The following PDIA3 variants were observed in gnomAD, a reference collection of about 807,000 sequenced individuals.
PDIA3 encodes protein disulfide isomerase family A member 3, also known as protein disulfide-isomerase A3.
A neutral mutation model predicts 56.9 loss-of-function variants in PDIA3; 16 were observed. The ratio of observed to expected loss-of-function variants is 0.28; its 90% CI spans 0.19 to 0.43. The LOEUF (loss-of-function observed/expected upper bound fraction) is 0.43, where lower values mean the gene tolerates loss of function less well. Among genes scored for constraint, PDIA3 ranks in the 20% least tolerant of loss-of-function variants. The pLI is 1.00. For synonymous variants in PDIA3, 192 were observed against 216.5 expected, an observed-to-expected ratio of 0.89 and a Z score of 0.99; for missense variants, 485 against 621.3, an observed-to-expected ratio of 0.78 and a Z score of 2.33.
chr15:43,758,643 G>A (rs531324486), intron 3 of PDIA3, among the ~76,000 whole-genome samples: 4 of 137,694 alleles, frequency 2.9e-5, no homozygotes, highest in African/African-American at 5.4e-5. Flanking sequence ...GGGGAACAAC[G>A]CAAGACTCCG....
intron 1 of PDIA3, chr15:43,747,155 G>C (rs1208134319): frequency 6.3e-6 from 1 of 159,160 alleles, no homozygotes; most frequent in Non-Finnish European, 1.4e-5. Context: ...ACCTCACGCC[G>C]CACAGCCATT....
At chr15:43,753,647 C>T (rs182340153) in intron 1 of PDIA3, among the ~76,000 whole-genome samples, 177 bp from the exon 2 acceptor site, 124 of 152,272 alleles carry the variant, frequency 8.1e-4, no homozygotes, top group African/African-American at 2.8e-3. Context: ...ACCTTTACCT[C>T]TTGAGAGTTC....
At chr15:43,766,544 C>T (rs997517860) in intron 7 of PDIA3, among the ~76,000 whole-genome samples, 184 bp from the exon 8 acceptor site, 1 of 152,188 alleles carries the variant, frequency 6.6e-6, no homozygotes, top group Non-Finnish European at 1.5e-5. Flanking sequence ...CAGTGAAGTT[C>T]AGTAAGGCAT....
chr15:43,759,693 A>G (rs139341941), intron 3 of PDIA3, among the ~76,000 whole-genome samples: 1 of 152,240 alleles, frequency 6.6e-6, no homozygotes, highest in Admixed American at 6.5e-5. Context: ...CCAGTGGAAG[A>G]TTATTCAGCC....
At chr15:43,765,021 A>G (rs1427996139) in intron 5 of PDIA3, among the ~76,000 whole-genome samples, 1 of 152,182 alleles carries the variant, frequency 6.6e-6, no homozygotes, top group Non-Finnish European at 1.5e-5. Flanking sequence ...AATCTGTGGT[A>G]CTAGAAAAGA....
In PDIA3 at chr15:43,770,592, G is replaced by C. The variant is rs1165881872; in HGVS notation, c.1404+12G>C. ...CAAAGAAATATGAAGTAAGTGAATT[G>C]TCCCATATCCCCACAAATATATACA... On this transcript the variant is annotated intron_variant, in intron 12 of 12. Coordinates refer to ENST00000300289, the MANE Select transcript of PDIA3 (RefSeq NM_005313.5). The C allele has an allele frequency of 6.4e-7, 1 of 1,574,540 alleles. No homozygotes were observed. The highest frequency in any genetic ancestry group is 8.7e-7 in the Non-Finnish European group (1 of 1,144,122).
At chr15:43,762,511 C>CA (rs767755194) in intron 4 of PDIA3, among the ~76,000 whole-genome samples, 1,256 of 55,612 alleles carry the variant, frequency 0.023, 15 homozygotes, top group African/African-American at 0.058. Context: ...AACTCTGTCG[C>CA]AAAAAAAAAA....
At chr15:43,759,158 C>T (rs894696175) in intron 3 of PDIA3, among the ~76,000 whole-genome samples, 3 of 151,638 alleles carry the variant, frequency 2.0e-5, no homozygotes, top group East Asian at 3.9e-4. Context: ...GGTGCAGTGG[C>T]GGGTGCCTGT....
intron 1 of PDIA3, among the ~76,000 whole-genome samples, chr15:43,747,353 A>G (rs2141640187): frequency 6.6e-6 from 1 of 152,372 alleles, no homozygotes; most frequent in South Asian, 2.1e-4. Flanking sequence ...GAATCTGTCC[A>G]TATTGTCTGT....
chr15:43,760,441 G>C (rs372275634), intron 3 of PDIA3, among the ~76,000 whole-genome samples: 125 of 151,234 alleles, frequency 8.3e-4, no homozygotes, highest in African/African-American at 3.0e-3. Context: ...ATGTCCATCA[G>C]TTTTGCAATT....
chr15:43,759,269 G>A (rs555058562), intron 3 of PDIA3, among the ~76,000 whole-genome samples: 2 of 152,254 alleles, frequency 1.3e-5, no homozygotes, highest in Admixed American at 6.5e-5. Flanking sequence ...TGGCCTGGGC[G>A]AAAGAGTGAG....
In PDIA3 at chr15:43,768,794, C is replaced by T. The variant is rs555005402; in HGVS notation, c.1137+197C>T. On this transcript the variant is annotated intron_variant, in intron 9 of 12. Transcript: ENST00000300289. ...ATCCCAGCACTTTGGGAGGCAAAGGCGGGCACATCACAAGGTCAAGAGTTT... is the reference window on the plus strand; with the variant it reads ...ATCCCAGCACTTTGGGAGGCAAAGGTGGGCACATCACAAGGTCAAGAGTTT... 1.8e-3 allele frequency among the ~76,000 whole-genome samples: 279 copies of T among 151,836 alleles called. 3 individuals are homozygous for T. The highest frequency in any genetic ancestry group is 6.3e-3 in the African/African-American group (262 of 41,424).
intron 3 of PDIA3, among the ~76,000 whole-genome samples, chr15:43,760,192 G>A (rs1438610427): frequency 6.6e-6 from 1 of 151,978 alleles, no homozygotes; most frequent in Non-Finnish European, 1.5e-5. Context: ...GGAGTTGGAG[G>A]CCATCCTGGG....
chr15:43,768,327 G>A lies in PDIA3; in HGVS notation c.1029-162G>A, dbSNP rs932247010. ...AGAACACACTAGAAATAAAAGGAAC[G>A]GTTTGTTTCTTCAGTCGGTAGTTCT... On this transcript the variant is annotated intron_variant, in intron 8 of 12. Coordinates refer to ENST00000300289, the MANE Select transcript of PDIA3 (RefSeq NM_005313.5). Among the ~76,000 whole-genome samples, 4 of 152,162 alleles carry A rather than the reference G, an allele frequency of 2.6e-5. No homozygotes were observed. In the South Asian group the frequency reaches 6.2e-4, roughly 24 times the overall value.
chr15:43,759,500 T>C (rs545201121), intron 3 of PDIA3, among the ~76,000 whole-genome samples: 34 of 152,264 alleles, frequency 2.2e-4, no homozygotes, highest in Middle Eastern at 6.8e-3. Flanking sequence ...TTGCTATGCA[T>C]TCTTTCTCTT....
chr15:43,763,616 C>G (rs1277862928), intron 5 of PDIA3, among the ~76,000 whole-genome samples: 4 of 152,194 alleles, frequency 2.6e-5, no homozygotes, highest in African/African-American at 9.6e-5. Flanking sequence ...AGGCATTATG[C>G]TACATGCCCA....
Position 43,768,589 on chromosome 15 carries a change from C to T in PDIA3, c.1129C>T (p.Pro377Ser). Residue 377 changes from proline to serine, a missense_variant, in exon 9 of 13, where the codon CCT becomes TCT. Physicochemically the swap from Pro to Ser is moderately conservative, Grantham distance 74. Coordinates refer to ENST00000300289, the MANE Select transcript of PDIA3 (RefSeq NM_005313.5). ...SEPIPESNDGPVKVVVAENFD... is the reference protein window; with the variant it reads ...SEPIPESNDGSVKVVVAENFD... ...ACCTATCCCAGAGAGCAATGATGGG[C>T]CTGTGAAGGTGAGGTGCTCACAGCC... 2.5e-6 allele frequency: 4 copies of T among 1,599,492 alleles called. No homozygotes were observed. The highest frequency in any genetic ancestry group is 3.4e-6 in the Non-Finnish European group (4 of 1,166,690).
At chr15:43,751,862 T>C in intron 1 of PDIA3, 2 of 776,636 alleles carry the variant, frequency 2.6e-6, no homozygotes, top group South Asian at 3.2e-5. Flanking sequence ...TGTATGTGAT[T>C]TTTTTCTCTT....
At chr15:43,757,275 G>T (rs889969510) in intron 3 of PDIA3, among the ~76,000 whole-genome samples, 7 of 152,064 alleles carry the variant, frequency 4.6e-5, no homozygotes, top group Non-Finnish European at 7.4e-5. Context: ...AGTTTGGGCC[G>T]GGGCCGGGTG....
Sources: allele counts gnomAD v4.1 joint callset (sites outside exome capture counted in the v4.1 genomes callset), GRCh38; gene constraint gnomAD v4.1.1; transcripts MANE v1.5; gene names NCBI Gene and HGNC (gene_info 2026-07-23, HGNC 2026-07-21).